USH2A: variants seen among roughly 807,000 people sequenced by gnomAD.
USH2A encodes the protein usherin.
In USH2A, 443 loss-of-function variants were observed where a neutral mutation model predicts 538.9. That is an observed-to-expected ratio of 0.82 (90% confidence interval 0.76 to 0.89). The LOEUF (loss-of-function observed/expected upper bound fraction) is 0.89. USH2A is among the 40% of genes least tolerant of loss of function. The pLI is 0.00. For missense variants in USH2A, 6,633 were observed against 6,324.8 expected, an observed-to-expected ratio of 1.05 and a Z score of -1.65; for synonymous variants, 2,413 against 2,273.5, an observed-to-expected ratio of 1.06 and a Z score of -1.75.
At chr1:215,830,062 G>A (rs574423225) in intron 47 of USH2A, among the ~76,000 whole-genome samples, 1 of 152,126 alleles carries the variant, frequency 6.6e-6, no homozygotes, top group Non-Finnish European at 1.5e-5. Context: ...ATCAGGAGGG[G>A]AGACAAAACT....
intron 4 of USH2A, among the ~76,000 whole-genome samples, chr1:216,338,318 T>C (rs933849716): frequency 1.3e-5 from 2 of 151,374 alleles, no homozygotes; most frequent in African/African-American, 4.8e-5. Context: ...TACCATCAAA[T>C]TGGAGCTTGA....
chr1:215,915,429 T>C (rs1665926402), intron 38 of USH2A, among the ~76,000 whole-genome samples: 1 of 152,090 alleles, frequency 6.6e-6, no homozygotes, highest in African/African-American at 2.4e-5. Flanking sequence ...TAAACAAATG[T>C]GTCGTTTAAA....
At chr1:216,130,956 C>T (rs149515013) in intron 21 of USH2A, among the ~76,000 whole-genome samples, 191 of 151,900 alleles carry the variant, frequency 1.3e-3, no homozygotes, top group Non-Finnish European at 2.1e-3. Context: ...TTCACCTCAT[C>T]GACTTCAACA....
At chr1:215,727,921 C>T in intron 61 of USH2A, 109 bp downstream of exon 61, 2 of 1,292,864 alleles carry the variant, frequency 1.5e-6, no homozygotes, top group Non-Finnish European at 2.2e-6. Flanking sequence ...GAAAGATTTT[C>T]ATATATTTAA....
At chr1:216,190,104 CAG>C in intron 20 of USH2A, 117 bp downstream of exon 20, 1 of 1,406,370 alleles carries the variant, frequency 7.1e-7, no homozygotes, top group East Asian at 2.5e-5. Context: ...AAGAAGCAAT[CAG>C]AGTTAGTGAG....
intron 22 of USH2A, among the ~76,000 whole-genome samples, chr1:216,095,488 C>T (rs2032420781): frequency 6.6e-6 from 1 of 152,102 alleles, no homozygotes; most frequent in Non-Finnish European, 1.5e-5. Flanking sequence ...CTTCCTTTCC[C>T]TCTGGCTGCA....
intron 38 of USH2A, among the ~76,000 whole-genome samples, chr1:215,901,790 G>A (rs1229500568): frequency 1.4e-4 from 22 of 152,126 alleles, no homozygotes; most frequent in Admixed American, 1.3e-3. Flanking sequence ...TAACTCAAAT[G>A]AGCCTGTCAT....
intron 3 of USH2A, among the ~76,000 whole-genome samples, chr1:216,394,919 C>T (rs1364267135): frequency 2.0e-5 from 3 of 151,808 alleles, no homozygotes; most frequent in Non-Finnish European, 2.9e-5. Flanking sequence ...GGGTTTTCAC[C>T]GTGTTAGCCA....
At position 216,120,219 on chromosome 1, in the gene USH2A, CAAAAAAAAAA is replaced by C. The variant is rs10525093; in HGVS notation, c.4628-23016_4628-23007del. ...TATTAAAACAGGTCATACTAAATAG[CAAAAAAAAAA>C]AAAAAAAAAAAAAAAAAAAAAATGG... On this transcript the variant is annotated intron_variant, in intron 21 of 71. Coordinates refer to ENST00000307340, the MANE Select transcript of USH2A (RefSeq NM_206933.4). 1.1e-4 allele frequency among the ~76,000 whole-genome samples: 11 copies of C among 100,026 alleles called. No homozygotes were observed. In the East Asian group the frequency reaches 1.9e-3, roughly 17 times the overall value. The allele number at this position is 100,026 out of a possible 152,430, so 65.6% of individuals were successfully genotyped here. A position where few individuals can be genotyped will look rare whatever the true frequency, so the allele number is the denominator to read the frequency against.
chr1:216,340,840 T>C (rs1342538097), intron 4 of USH2A, among the ~76,000 whole-genome samples: 2 of 152,106 alleles, frequency 1.3e-5, no homozygotes, highest in African/African-American at 4.8e-5. Context: ...TGATGGAACA[T>C]ATCTCAAAAT....
chr1:215,905,679 T>C (rs1665623161), intron 38 of USH2A, among the ~76,000 whole-genome samples: 1 of 151,968 alleles, frequency 6.6e-6, no homozygotes, highest in Admixed American at 6.6e-5. Context: ...GTACTATCAG[T>C]TGTTCATCCA....
intron 47 of USH2A, among the ~76,000 whole-genome samples, chr1:215,819,726 T>A (rs1373603499): frequency 1.3e-5 from 2 of 151,814 alleles, no homozygotes; most frequent in African/African-American, 4.8e-5. Context: ...TCCATGCCAT[T>A]ATAACTTCCC....
chr1:216,173,895 G>A lies in USH2A; in HGVS notation c.4627+1357C>T, dbSNP rs186288290. On this transcript the variant is annotated intron_variant, in intron 21 of 71. Coordinates refer to ENST00000307340, the MANE Select transcript of USH2A (RefSeq NM_206933.4). ...TAGTTTCCATTTTCATTTGAGAAAAGAGTTTTACTATTATTCATGTATTCC... is the reference window on the plus strand; with the variant it reads ...TAGTTTCCATTTTCATTTGAGAAAAAAGTTTTACTATTATTCATGTATTCC... 2.0e-5 allele frequency: 18 copies of A among 895,624 alleles called. No homozygotes were observed. In the Admixed American group the frequency reaches 1.1e-3, roughly 52 times the overall value. The allele number at this position is 895,624 out of a possible 1,614,324, so 55.5% of individuals were successfully genotyped here.
At chr1:215,935,078 A>C (rs530070090) in intron 37 of USH2A, among the ~76,000 whole-genome samples, 434 of 152,202 alleles carry the variant, frequency 2.9e-3, no homozygotes, top group Non-Finnish European at 5.3e-3. Flanking sequence ...CCATATCACA[A>C]GTATCAAGCA....
At chr1:215,680,663 C>T (rs1571953765) in intron 61 of USH2A, among the ~76,000 whole-genome samples, 2 of 150,172 alleles carry the variant, frequency 1.3e-5, no homozygotes, top group East Asian at 3.9e-4. Context: ...GATATATAAA[C>T]ATTAAAAAAA....
intron 32 of USH2A, among the ~76,000 whole-genome samples, chr1:216,023,020 TC>T (rs1465995503): frequency 1.3e-5 from 2 of 152,028 alleles, no homozygotes; most frequent in African/African-American, 4.8e-5. Flanking sequence ...CCATATGGAC[TC>T]CCCAGAAATG....
chr1:215,929,043 G>A (rs1242544219), intron 38 of USH2A, among the ~76,000 whole-genome samples: 3 of 151,912 alleles, frequency 2.0e-5, no homozygotes, highest in Non-Finnish European at 4.4e-5. Flanking sequence ...AAAAAAGTTT[G>A]AATTCCAAGA....
chr1:216,251,235 T>G, intron 11 of USH2A, 137 bp from the exon 12 acceptor site: 1 of 846,398 alleles, frequency 1.2e-6, no homozygotes. Context: ...ATATTTTTCC[T>G]CTTGACACAC....
chr1:216,147,916 C>G (rs1376107072), intron 21 of USH2A, among the ~76,000 whole-genome samples: 3 of 140,532 alleles, frequency 2.1e-5, no homozygotes, highest in East Asian at 2.2e-4. Context: ...CACTGAAAAT[C>G]GGACTGTTCA....
Sources: allele counts gnomAD v4.1 joint callset (sites outside exome capture counted in the v4.1 genomes callset), GRCh38; gene constraint gnomAD v4.1.1; transcripts MANE v1.5; gene names NCBI Gene and HGNC (gene_info 2026-07-23, HGNC 2026-07-21).